Variants in CPQ observed in about 807,000 individuals in gnomAD.
CPQ encodes carboxypeptidase Q.
In CPQ, 37 loss-of-function variants were observed where a neutral mutation model predicts 45.7. The ratio of observed to expected loss-of-function variants is 0.81; its 90% CI spans 0.62 to 1.07. The LOEUF (loss-of-function observed/expected upper bound fraction) is 1.07. Ranked by LOEUF, CPQ falls within the 50% of genes least tolerant of loss-of-function variation. The probability of loss-of-function intolerance (pLI) is 0.00; values close to 1 mark genes in which losing one functional copy is unlikely to be tolerated. For synonymous variants in CPQ, 186 were observed against 205.8 expected, an observed-to-expected ratio of 0.90 and a Z score of 0.82; for missense variants, 537 against 572.9, an observed-to-expected ratio of 0.94 and a Z score of 0.64.
intron 4 of CPQ, among the ~76,000 whole-genome samples, chr8:96,932,514 G>A (rs1437661786): frequency 5.9e-5 from 9 of 152,114 alleles, no homozygotes; most frequent in East Asian, 1.9e-4. Flanking sequence ...ACTAGAGTTC[G>A]TTAAATGGTA....
At chr8:96,839,936 C>G (rs769023819) in intron 3 of CPQ, among the ~76,000 whole-genome samples, 13 of 152,116 alleles carry the variant, frequency 8.5e-5, no homozygotes, top group Non-Finnish European at 1.8e-4. Flanking sequence ...GAAGGAGAGA[C>G]AGGTTCAGAA....
intron 5 of CPQ, among the ~76,000 whole-genome samples, chr8:97,008,451 G>C (rs1809426615): frequency 6.6e-6 from 1 of 152,106 alleles, no homozygotes; most frequent in Non-Finnish European, 1.5e-5. Context: ...CTTAGACTGG[G>C]TTTCTCATTT....
chr8:97,099,647 A>G (rs964333439), intron 7 of CPQ, among the ~76,000 whole-genome samples: 2 of 152,094 alleles, frequency 1.3e-5, no homozygotes, highest in South Asian at 2.1e-4. Context: ...TCCTCAAGAA[A>G]AGGATCAAAG....
intron 7 of CPQ, among the ~76,000 whole-genome samples, chr8:97,069,610 C>A (rs1034532749): frequency 1.3e-5 from 2 of 151,940 alleles, no homozygotes; most frequent in African/African-American, 2.4e-5. Context: ...GAAGGCCTGA[C>A]AAATTATAGC....
chr8:96,856,471 T>G (rs1022762339), intron 3 of CPQ, among the ~76,000 whole-genome samples: 4 of 152,210 alleles, frequency 2.6e-5, no homozygotes, highest in Non-Finnish European at 5.9e-5. Flanking sequence ...ATTATCTTGT[T>G]TATTTGTGTA....
chr8:96,874,807 A>C (rs1274362718), intron 3 of CPQ, among the ~76,000 whole-genome samples: 1 of 151,868 alleles, frequency 6.6e-6, no homozygotes. Context: ...TTTGTGTGTA[A>C]TATTTCTTCA....
chr8:97,044,883 AG>A (rs1810208402), intron 6 of CPQ, among the ~76,000 whole-genome samples: 1 of 152,162 alleles, frequency 6.6e-6, no homozygotes, highest in African/African-American at 2.4e-5. Context: ...GTGAGGTGTC[AG>A]TCTGCCCCTA....
In CPQ at chr8:96,890,021, A is replaced by G. The variant is rs921097316; in HGVS notation, c.849+10016A>G. Among the ~76,000 whole-genome samples, 6 of 152,196 alleles carry G rather than the reference A, an allele frequency of 3.9e-5. No individual in the cohort carries two copies. The East Asian group carries it at 1.2e-3, about 29-fold the overall frequency. On this transcript the variant is annotated intron_variant, in intron 4 of 7. Transcript: ENST00000220763. ...ACCATGACAAGTTCACCCCTTGTCA[A>G]CTTGAACCCATACACATCTCCTGAA...
chr8:96,981,698 C>T (rs1813900181), intron 5 of CPQ, among the ~76,000 whole-genome samples: 1 of 152,184 alleles, frequency 6.6e-6, no homozygotes, highest in South Asian at 2.1e-4. Context: ...ACTTATAAAG[C>T]AGAGGTTTTT....
chr8:96,914,801 G>A (rs898978537), intron 4 of CPQ, among the ~76,000 whole-genome samples: 4 of 152,108 alleles, frequency 2.6e-5, no homozygotes, highest in African/African-American at 7.2e-5. Context: ...GGAACAAGGC[G>A]ATTGCTCAGA....
chr8:96,892,498 T>C (rs1812390623), intron 4 of CPQ, among the ~76,000 whole-genome samples: 1 of 152,248 alleles, frequency 6.6e-6, no homozygotes, highest in Non-Finnish European at 1.5e-5. Flanking sequence ...TGTTCACATT[T>C]TAACCTTGAG....
At chr8:96,803,179 C>A (rs371715590) in intron 2 of CPQ, among the ~76,000 whole-genome samples, 1 of 152,158 alleles carries the variant, frequency 6.6e-6, no homozygotes, top group East Asian at 1.9e-4. Flanking sequence ...ATGCTGAGGG[C>A]AGGACAAGAT....
intron 4 of CPQ, among the ~76,000 whole-genome samples, chr8:96,936,605 G>C (rs1813053872): frequency 6.6e-6 from 1 of 152,150 alleles, no homozygotes; most frequent in Non-Finnish European, 1.5e-5. Flanking sequence ...AAAATCTCTT[G>C]CCTGTCAACA....
At chr8:97,085,161 A>G (rs1260000853) in intron 7 of CPQ, among the ~76,000 whole-genome samples, 4 of 152,058 alleles carry the variant, frequency 2.6e-5, no homozygotes, top group Admixed American at 6.6e-5. Context: ...ATGAGGGAAG[A>G]TTGCCTGAGC....
At chr8:96,983,488 C>T (rs1056675246) in intron 5 of CPQ, among the ~76,000 whole-genome samples, 1 of 152,034 alleles carries the variant, frequency 6.6e-6, no homozygotes, top group Non-Finnish European at 1.5e-5. Flanking sequence ...TTAACTTTGG[C>T]TCATTACTGG....
At chr8:96,926,570 C>CTCCTCTTCTTCTTCTTCTTCTTCT (rs1812880344) in intron 4 of CPQ, among the ~76,000 whole-genome samples, 1 of 46,654 alleles carries the variant, frequency 2.1e-5, no homozygotes, top group South Asian at 6.2e-4. Flanking sequence ...CTTCCTCTTC[C>CTCCTCTTCTTCTTCTTCTTCTTCT]TCTTCCTCTT....
intron 4 of CPQ, among the ~76,000 whole-genome samples, chr8:96,953,462 G>C (rs1411046795): frequency 6.6e-6 from 1 of 152,002 alleles, no homozygotes; most frequent in Non-Finnish European, 1.5e-5. Context: ...TACTCTTCTT[G>C]CAGATGAAGC....
At chr8:96,913,365 A>G (rs1812693028) in intron 4 of CPQ, among the ~76,000 whole-genome samples, 2 of 152,216 alleles carry the variant, frequency 1.3e-5, no homozygotes, top group South Asian at 4.1e-4. Context: ...CAGCACAGTA[A>G]ATACCTATCT....
intron 1 of CPQ, among the ~76,000 whole-genome samples, chr8:96,714,622 A>AT (rs138335455): frequency 2.0e-4 from 30 of 151,610 alleles, no homozygotes; most frequent in Admixed American, 1.1e-3. Context: ...CAACCTTTTG[A>AT]TTTTTTTTAT....
Sources: gnomAD v4.1 joint callset for allele counts (sites outside exome capture counted in the v4.1 genomes callset) on GRCh38, gnomAD v4.1.1 for gene constraint, MANE v1.5 for transcripts, NCBI Gene and HGNC (gene_info 2026-07-23, HGNC 2026-07-21) for gene names.